The following RHOBTB3 variants were observed in gnomAD, a reference collection of about 807,000 sequenced individuals.
RHOBTB3 encodes the protein Rho related BTB domain containing 3.
RHOBTB3 carries 47 observed loss-of-function variants against 67.2 expected under a neutral mutation model. The ratio of observed to expected loss-of-function variants is 0.70; its 90% confidence interval spans 0.55 to 0.89. RHOBTB3 has a LOEUF of 0.89. Among genes scored for constraint, RHOBTB3 ranks in the 40% least tolerant of loss-of-function variants. The pLI, the probability that RHOBTB3 is intolerant of heterozygous loss-of-function variation, is 0.00. For synonymous variants in RHOBTB3, 273 were observed against 274.2 expected, an observed-to-expected ratio of 1.00 and a Z score of 0.04; for missense variants, 631 against 750.0, an observed-to-expected ratio of 0.84 and a Z score of 1.85.
chr5:95,790,051 C>A (rs1045626934), intron 11 of RHOBTB3, among the ~76,000 whole-genome samples: 3 of 152,154 alleles, frequency 2.0e-5, no homozygotes, highest in Non-Finnish European at 4.4e-5. Context: ...AAAGAAAACC[C>A]AGGAACACAC....
intron 7 of RHOBTB3, among the ~76,000 whole-genome samples, chr5:95,766,177 AT>A (rs370574379): frequency 3.3e-5 from 5 of 151,900 alleles, no homozygotes; most frequent in African/African-American, 9.7e-5. Context: ...GAATAATATC[AT>A]TTTTCCCCCC....
At chr5:95,751,002 A>C (rs1169227786) in intron 4 of RHOBTB3, among the ~76,000 whole-genome samples, 8 of 152,244 alleles carry the variant, frequency 5.3e-5, no homozygotes, top group African/African-American at 1.9e-4. Flanking sequence ...AATATCTTTT[A>C]TATAACAGTT....
chr5:95,736,208 G>C (rs754449911), intron 2 of RHOBTB3, among the ~76,000 whole-genome samples: 43 of 152,344 alleles, frequency 2.8e-4, no homozygotes, highest in Non-Finnish European at 5.0e-4. Flanking sequence ...TTCAGAACTA[G>C]AAGAGTTTAT....
upstream of RHOBTB3, chr5:95,731,146 C>G: frequency 3.9e-6 from 4 of 1,014,474 alleles, no homozygotes; most frequent in South Asian, 3.5e-5. Context: ...CGCGGCGCCC[C>G]GCGCGGGCGG....
upstream of RHOBTB3, among the ~76,000 whole-genome samples, chr5:95,730,496 A>G (rs1023371502): frequency 1.5e-4 from 23 of 152,316 alleles, no homozygotes; most frequent in African/African-American, 4.3e-4. Flanking sequence ...ACTTCAGTGC[A>G]TTATTATGAA....
intron 8 of RHOBTB3, among the ~76,000 whole-genome samples, 185 bp downstream of exon 8, chr5:95,768,351 A>G (rs1745609864): frequency 6.6e-6 from 1 of 152,198 alleles, no homozygotes; most frequent in African/African-American, 2.4e-5. Flanking sequence ...TATTAAAATG[A>G]TAAAATAAAT....
chr5:95,749,989 T>C (rs891761648), intron 4 of RHOBTB3, among the ~76,000 whole-genome samples: 11 of 152,170 alleles, frequency 7.2e-5, no homozygotes, highest in Non-Finnish European at 1.6e-4. Context: ...GTGGCCAAGG[T>C]TGGGAGAAAG....
At chr5:95,769,673 A>C (rs1273566041) in intron 8 of RHOBTB3, 1 of 168,370 alleles carries the variant, frequency 5.9e-6, no homozygotes, top group Non-Finnish European at 1.3e-5. Flanking sequence ...ATTTTTGCAT[A>C]TCTTATTAAT....
chr5:95,731,408 G>A lies in RHOBTB3; in HGVS notation c.-275G>A. On this transcript the variant is annotated 5_prime_UTR_variant, in exon 1 of 12. Coordinates refer to ENST00000379982, the MANE Select transcript of RHOBTB3 (RefSeq NM_014899.4). ...CTGCGGTCAGCTGCGTCCACTTGGG[G>A]CTGTGCGGCGGTCCCGCGCCCGGCG... The A allele has an allele frequency of 8.4e-7, 1 of 1,186,642 alleles. No homozygotes were observed. Among genetic ancestry groups the A allele is most frequent in the Non-Finnish European group, 1.0e-6 (1 of 961,950 alleles). The allele number at this position is 1,186,642 out of a possible 1,614,324, so 73.5% of individuals were successfully genotyped here.
chr5:95,767,579 C>T (rs543358188), intron 7 of RHOBTB3, among the ~76,000 whole-genome samples: 1 of 152,300 alleles, frequency 6.6e-6, no homozygotes, highest in East Asian at 1.9e-4. Context: ...CTCAAGTGCC[C>T]ACCTTGGCCT....
intron 7 of RHOBTB3, among the ~76,000 whole-genome samples, chr5:95,766,386 G>A (rs1018913268): frequency 1.3e-5 from 2 of 151,946 alleles, no homozygotes; most frequent in East Asian, 1.9e-4. Flanking sequence ...GGGTGGAGAC[G>A]TCAGAATTTA....
At position 95,731,397 on chromosome 5, in the gene RHOBTB3, G is replaced by A. The variant is rs998782083; in HGVS notation, c.-286G>A. ...CGGAGAGGGGACTGCGGTCAGCTGC[G>A]TCCACTTGGGGCTGTGCGGCGGTCC... On this transcript the variant is annotated 5_prime_UTR_variant, in exon 1 of 12. Coordinates refer to ENST00000379982, the MANE Select transcript of RHOBTB3 (RefSeq NM_014899.4). 8.5e-7 allele frequency: 1 copy of A among 1,175,668 alleles called. No homozygotes were observed. The highest frequency in any genetic ancestry group is 1.0e-6 in the Non-Finnish European group (1 of 954,816). The allele number at this position is 1,175,668 out of a possible 1,614,324, so 72.8% of individuals were successfully genotyped here.
At chr5:95,724,623 G>A (rs1028948755) in intron 1 of RHOBTB3, among the ~76,000 whole-genome samples, 4 of 152,052 alleles carry the variant, frequency 2.6e-5, no homozygotes, top group African/African-American at 7.2e-5. Context: ...CCACCACCAC[G>A]CCCGGCTAAT....
intron 4 of RHOBTB3, among the ~76,000 whole-genome samples, 193 bp downstream of exon 4, chr5:95,748,680 C>T (rs2112791552): frequency 6.6e-6 from 1 of 152,124 alleles, no homozygotes; most frequent in South Asian, 2.1e-4. Flanking sequence ...CCAAATGAAC[C>T]TTTTCTATTT....
At chr5:95,755,347 C>T (rs753672361) in intron 5 of RHOBTB3, 49 bp from the exon 6 acceptor site, 1 of 1,349,742 alleles carries the variant, frequency 7.4e-7, no homozygotes, top group Non-Finnish European at 9.8e-7. Context: ...ATTGTTGGGT[C>T]TGTAAACCTG....
At chr5:95,790,002 G>A (rs1746331071) in intron 11 of RHOBTB3, among the ~76,000 whole-genome samples, 1 of 152,266 alleles carries the variant, frequency 6.6e-6, no homozygotes, top group South Asian at 2.1e-4. Context: ...AGAAAAAAGA[G>A]TAAAAATCTC....
intron 3 of RHOBTB3, among the ~76,000 whole-genome samples, chr5:95,740,158 T>C (rs941970075): frequency 3.3e-5 from 5 of 152,168 alleles, no homozygotes. Flanking sequence ...GTAACTTTGC[T>C]CCTCCTCCAC....
intron 4 of RHOBTB3, among the ~76,000 whole-genome samples, chr5:95,749,176 A>G (rs1460065671): frequency 2.6e-5 from 4 of 152,222 alleles, no homozygotes; most frequent in Non-Finnish European, 5.9e-5. Flanking sequence ...CCAAACCTCT[A>G]AGAAGCAACT....
At position 95,752,303 on chromosome 5, in the gene RHOBTB3, T is replaced by G; in HGVS notation, c.635T>G (p.Met212Arg). The stretch of plus-strand genomic sequence containing the variant: ...AGTGAAAAAATGAAGAAAAGAAAAA[T>G]GAGCAACTCCTTTCATGGAATTAGA... ...KTSEKMKKRKMSNSFHGIRPP... is the reference protein window; with the variant it reads ...KTSEKMKKRKRSNSFHGIRPP... The change falls in exon 5 of 12, where the codon ATG becomes AGG. Residue 212 changes from methionine (M) to arginine (R), a missense_variant. By Grantham distance (91) the Met-to-Arg change is moderately conservative. Coordinates refer to ENST00000379982, the MANE Select transcript of RHOBTB3 (RefSeq NM_014899.4). 2.5e-6 allele frequency: 4 copies of G among 1,608,074 alleles called. No individual in the cohort carries two copies. The highest frequency in any genetic ancestry group is 3.3e-4 in the Middle Eastern group (2 of 6,048).
Sources: gnomAD v4.1 joint callset for allele counts (sites outside exome capture counted in the v4.1 genomes callset) on GRCh38, gnomAD v4.1.1 for gene constraint, MANE v1.5 for transcripts, NCBI Gene and HGNC (gene_info 2026-07-23, HGNC 2026-07-21) for gene names.